Variants in DLG2 observed in about 807,000 individuals in gnomAD.
DLG2 encodes the protein disks large homolog 2.
DLG2 carries 45 observed loss-of-function variants against 132.5 expected under a neutral mutation model. That is an observed-to-expected ratio of 0.34 (90% confidence interval 0.27 to 0.44). The LOEUF (loss-of-function observed/expected upper bound fraction) is 0.44, where lower values mean the gene tolerates loss of function less well. Among genes scored for constraint, DLG2 ranks in the 20% least tolerant of loss-of-function variants. The pLI is 1.00. For missense variants in DLG2, 1,045 were observed against 1,196.9 expected (o/e 0.87, Z 1.87); for synonymous variants, 424 against 419.6 (o/e 1.01, Z -0.13).
chr11:83,577,559 A>AAT (rs1167372199), intron 19 of DLG2, among the ~76,000 whole-genome samples: 6,589 of 78,320 alleles, frequency 0.084, 345 homozygotes, highest in Middle Eastern at 0.1. Context: ...GAATTAATAG[A>AAT]ATATATATAT....
At chr11:84,086,655 A>G (rs932104095) in intron 10 of DLG2, among the ~76,000 whole-genome samples, 1 of 151,612 alleles carries the variant, frequency 6.6e-6, no homozygotes, top group Non-Finnish European at 1.5e-5. Context: ...ACACCTGGCT[A>G]ATTTTTGTAT....
intron 4 of DLG2, among the ~76,000 whole-genome samples, chr11:85,279,829 AG>A (rs1172484659): frequency 1.2e-4 from 18 of 152,150 alleles, no homozygotes; most frequent in African/African-American, 4.1e-4. Flanking sequence ...ACAGTTTAAC[AG>A]GGACTACCTT....
intron 7 of DLG2, among the ~76,000 whole-genome samples, chr11:84,448,415 T>G (rs1365746155): frequency 6.6e-6 from 1 of 152,086 alleles, no homozygotes; most frequent in African/African-American, 2.4e-5. Flanking sequence ...CAATAATCTC[T>G]TAAATCCGGT....
At chr11:85,078,313 A>G (rs7110248) in intron 6 of DLG2, among the ~76,000 whole-genome samples, 36,147 of 150,978 alleles carry the variant, frequency 0.24, 4,594 homozygotes, top group Middle Eastern at 0.3. Flanking sequence ...GGAAGGCTCT[A>G]CTAACAATGT....
intron 21 of DLG2, among the ~76,000 whole-genome samples, chr11:83,517,246 C>T (rs7127859): frequency 0.35 from 53,206 of 151,940 alleles, 9,412 homozygotes; most frequent in Middle Eastern, 0.46. Flanking sequence ...TTTCTCTAAA[C>T]TCTGCTTGCT....
At chr11:84,393,543 T>C (rs2098800385) in intron 7 of DLG2, among the ~76,000 whole-genome samples, 1 of 152,156 alleles carries the variant, frequency 6.6e-6, no homozygotes, top group African/African-American at 2.4e-5. Flanking sequence ...AAATGTGACT[T>C]GCCTATTTCT....
At chr11:85,028,829 G>T (rs2060768559) in intron 6 of DLG2, among the ~76,000 whole-genome samples, 1 of 152,000 alleles carries the variant, frequency 6.6e-6, no homozygotes, top group Admixed American at 6.5e-5. Flanking sequence ...GGAGGGGGAG[G>T]CCCCCACCCC....
chr11:83,953,232 C>G (rs143961633), intron 14 of DLG2, among the ~76,000 whole-genome samples: 1,691 of 152,242 alleles, frequency 0.011, 15 homozygotes, highest in Middle Eastern at 0.02. Context: ...TAAACTCACC[C>G]ACAGCAGCTA....
intron 19 of DLG2, among the ~76,000 whole-genome samples, chr11:83,605,948 T>G (rs981922140): frequency 2.0e-5 from 3 of 152,256 alleles, no homozygotes; most frequent in Admixed American, 6.5e-5. Context: ...TCGCTGTGAT[T>G]TACTTATCTG....
intron 6 of DLG2, among the ~76,000 whole-genome samples, chr11:84,970,378 T>C (rs893980793): frequency 6.6e-6 from 1 of 152,148 alleles, no homozygotes; most frequent in Non-Finnish European, 1.5e-5. Context: ...TGCCATTCAT[T>C]CATTCAGTAC....
At chr11:84,537,785 C>T (rs1241162179) in intron 6 of DLG2, among the ~76,000 whole-genome samples, 1 of 152,202 alleles carries the variant, frequency 6.6e-6, no homozygotes. Context: ...AACACATATG[C>T]TCAATAAGTG....
chr11:85,171,261 A>G (rs916280832), intron 4 of DLG2, among the ~76,000 whole-genome samples: 4 of 152,000 alleles, frequency 2.6e-5, no homozygotes. Context: ...ACCCATGGAG[A>G]GTGAGGAAAA....
At chr11:84,617,776 A>T (rs2099607129) in intron 6 of DLG2, among the ~76,000 whole-genome samples, 1 of 152,144 alleles carries the variant, frequency 6.6e-6, no homozygotes, top group Non-Finnish European at 1.5e-5. Context: ...TACACTACGA[A>T]GAAGGGAGGT....
chr11:84,235,597 C>T (rs963051), intron 8 of DLG2, among the ~76,000 whole-genome samples: 8,093 of 152,178 alleles, frequency 0.053, 293 homozygotes, highest in Non-Finnish European at 0.076. Context: ...CATGTATACT[C>T]GCAAATTTCC....
At chr11:83,892,354 GC>G (rs965260748) in intron 15 of DLG2, among the ~76,000 whole-genome samples, 20 of 152,066 alleles carry the variant, frequency 1.3e-4, no homozygotes, top group African/African-American at 2.9e-4. Flanking sequence ...CTGACACAAA[GC>G]AATTTTTGCA....
chr11:84,174,654 A>C (rs1011375311), intron 8 of DLG2, among the ~76,000 whole-genome samples: 2 of 152,186 alleles, frequency 1.3e-5, no homozygotes, highest in African/African-American at 4.8e-5. Context: ...GTAAACAAAA[A>C]AAGGCCTCTG....
At chr11:83,595,401 G>A (rs555900996) in intron 19 of DLG2, among the ~76,000 whole-genome samples, 98 of 152,284 alleles carry the variant, frequency 6.4e-4, no homozygotes, top group African/African-American at 2.3e-3. Context: ...TGTGTTCCAG[G>A]CATTAAATGA....
At chr11:85,377,066 A>G (rs1413876855) in intron 3 of DLG2, among the ~76,000 whole-genome samples, 2 of 152,226 alleles carry the variant, frequency 1.3e-5, no homozygotes, top group African/African-American at 2.4e-5. Flanking sequence ...CCACAAAGAA[A>G]CATAGCCAAG....
intron 7 of DLG2, among the ~76,000 whole-genome samples, chr11:84,293,723 G>A (rs77772154): frequency 1.2e-3 from 175 of 152,140 alleles, no homozygotes; most frequent in African/African-American, 3.9e-3. Flanking sequence ...GCTCAGATGG[G>A]TAAAAACTTC....
Sources: allele counts gnomAD v4.1 joint callset (sites outside exome capture counted in the v4.1 genomes callset), GRCh38; gene constraint gnomAD v4.1.1; transcripts MANE v1.5; gene names NCBI Gene and HGNC (gene_info 2026-07-23, HGNC 2026-07-21).